Variants in SEL1L3 observed in about 807,000 individuals in gnomAD.
SEL1L3 encodes the protein protein sel-1 homolog 3.
Under a neutral mutation model 142.8 loss-of-function variants are expected in SEL1L3, and 76 were observed. The observed-to-expected ratio is 0.53, with a 90% CI of 0.44 to 0.64. The LOEUF (loss-of-function observed/expected upper bound fraction) is 0.64. Ranked by LOEUF, SEL1L3 falls within the 30% of genes least tolerant of loss-of-function variation. SEL1L3 has a pLI of 0.00. For synonymous variants in SEL1L3, 504 were observed against 519.6 expected, an observed-to-expected ratio of 0.97 and a Z score of 0.41; for missense variants, 1,262 against 1,381.7, an observed-to-expected ratio of 0.91 and a Z score of 1.37.
intron 20 of SEL1L3, chr4:25,759,417 A>G (rs911231924): frequency 2.9e-5 from 6 of 204,666 alleles, no homozygotes; most frequent in African/African-American, 1.2e-4. Flanking sequence ...TACCATGTCC[A>G]TTGCCTACAG....
chr4:25,739,826 G>A, the SEL1L3 span, among the ~76,000 whole-genome samples: 714 of 151,392 alleles, frequency 4.7e-3, 9 homozygotes, highest in East Asian at 0.038. Context: ...ACATATAAGC[G>A]TACATTCACA....
the SEL1L3 span, among the ~76,000 whole-genome samples, chr4:25,741,817 T>TTA: frequency 6.6e-6 from 1 of 150,536 alleles, no homozygotes; most frequent in African/African-American, 2.4e-5. Context: ...TTATATTATA[T>TTA]TATTATTATA....
the SEL1L3 span, among the ~76,000 whole-genome samples, chr4:25,741,366 G>T: frequency 6.6e-6 from 1 of 152,102 alleles, no homozygotes; most frequent in African/African-American, 2.4e-5. Context: ...CTCCCAAAGT[G>T]CTGGGATTAC....
At chr4:25,722,597 A>G in the SEL1L3 span, among the ~76,000 whole-genome samples, 5 of 149,656 alleles carry the variant, frequency 3.3e-5, no homozygotes, top group Non-Finnish European at 7.4e-5. Flanking sequence ...CATAAGAGCC[A>G]CAAGATACAT....
chr4:25,749,546 C>T (rs933848826), intron 23 of SEL1L3, among the ~76,000 whole-genome samples: 1 of 152,148 alleles, frequency 6.6e-6, no homozygotes, highest in Non-Finnish European at 1.5e-5. Context: ...CTGCACAAGC[C>T]CCCCACAGCC....
intron 1 of SEL1L3, among the ~76,000 whole-genome samples, chr4:25,858,432 C>T (rs544641297): frequency 6.6e-6 from 1 of 152,332 alleles, no homozygotes; most frequent in South Asian, 2.1e-4. Context: ...TTAATGAATA[C>T]TCTTAGATGG....
intron 2 of SEL1L3, among the ~76,000 whole-genome samples, chr4:25,839,075 G>A (rs544693211): frequency 1.3e-5 from 2 of 152,312 alleles, no homozygotes; most frequent in South Asian, 4.1e-4. Context: ...GGAAAGAAGC[G>A]AAGATTTCTC....
intron 21 of SEL1L3, among the ~76,000 whole-genome samples, chr4:25,758,468 C>T (rs749577559): frequency 1.8e-4 from 28 of 152,168 alleles, no homozygotes; most frequent in Non-Finnish European, 3.8e-4. Flanking sequence ...AAGGCCCTGT[C>T]TCAAAATAAA....
the SEL1L3 span, among the ~76,000 whole-genome samples, chr4:25,739,243 AC>A: frequency 6.6e-6 from 1 of 151,954 alleles, no homozygotes; most frequent in African/African-American, 2.4e-5. Flanking sequence ...CAACAAAAAA[AC>A]AATGTCTGGA....
chr4:25,722,822 A>G, the SEL1L3 span, among the ~76,000 whole-genome samples: 1 of 152,118 alleles, frequency 6.6e-6, no homozygotes, highest in African/African-American at 2.4e-5. Context: ...GGTTCAAGCT[A>G]TTCCACAGTC....
rs57134788 is a variant in SEL1L3, at chr4:25,771,199, C to A, written c.2670-3369G>T. 8.1e-4 allele frequency among the ~76,000 whole-genome samples: 124 copies of A among 152,348 alleles called. 1 individual carries two copies. Among genetic ancestry groups the A allele is most frequent in the African/African-American group, 2.7e-3 (113 of 41,578 alleles). ...TAATTGCAGGAAACCCAAAGACAAGCTGCAAAACTATTGTCCTTCCTTGAA... is the reference window on the plus strand; with the variant it reads ...TAATTGCAGGAAACCCAAAGACAAGATGCAAAACTATTGTCCTTCCTTGAA... On this transcript the variant is annotated intron_variant, in intron 17 of 23. Transcript: ENST00000399878.
intron 2 of SEL1L3, among the ~76,000 whole-genome samples, chr4:25,840,114 C>T (rs2109298029): frequency 6.6e-6 from 1 of 152,318 alleles, no homozygotes; most frequent in African/African-American, 2.4e-5. Context: ...CCTCGGTTTT[C>T]CTCTTTGTTA....
chr4:25,758,611 A>G (rs540757516), intron 21 of SEL1L3, among the ~76,000 whole-genome samples: 1 of 151,616 alleles, frequency 6.6e-6, no homozygotes, highest in East Asian at 1.9e-4. Context: ...AGAGAAATAC[A>G]CTCGGGTCTG....
chr4:25,770,280 G>T (rs1367479334), intron 17 of SEL1L3: 2 of 152,190 alleles, frequency 1.3e-5, no homozygotes, highest in Non-Finnish European at 2.9e-5. Context: ...CTGGTGGTGG[G>T]GAAGGAAGGG....
intron 17 of SEL1L3, among the ~76,000 whole-genome samples, chr4:25,774,836 C>G (rs1295999222): frequency 6.6e-6 from 1 of 151,970 alleles, no homozygotes; most frequent in Non-Finnish European, 1.5e-5. Flanking sequence ...CAGAGTGAGA[C>G]TTCATCTCAA....
rs560852643 is a variant in SEL1L3 at position 25,796,730 on chromosome 4, G to A, written c.1956+5553C>T. 4.0e-5 allele frequency among the ~76,000 whole-genome samples: 6 copies of A among 150,606 alleles called. No individual in the cohort carries two copies. The East Asian group carries it at 9.9e-4, about 25-fold the overall frequency. On this transcript the variant is annotated intron_variant, in intron 11 of 23. Coordinates refer to ENST00000399878, the MANE Select transcript of SEL1L3 (RefSeq NM_015187.5). Reference sequence around the variant, plus strand: ...CGGGAGGTGGAGGTTGCAGTGAGCCGAGATCACACCACTGCACTCCAGAGG... The same window carrying A: ...CGGGAGGTGGAGGTTGCAGTGAGCCAAGATCACACCACTGCACTCCAGAGG...
At chr4:25,725,065 G>C in the SEL1L3 span, among the ~76,000 whole-genome samples, 1 of 152,092 alleles carries the variant, frequency 6.6e-6, no homozygotes, top group East Asian at 1.9e-4. Context: ...CTGGGAGGTG[G>C]AGTATTCTCC....
intron 6 of SEL1L3, among the ~76,000 whole-genome samples, chr4:25,825,001 C>T (rs1305463626): frequency 6.6e-6 from 1 of 152,050 alleles, no homozygotes; most frequent in Non-Finnish European, 1.5e-5. Context: ...GAAAAAAGCC[C>T]ACAGCAAACG....
chr4:25,750,008 C>T (rs1015300988), intron 23 of SEL1L3, among the ~76,000 whole-genome samples: 4 of 151,862 alleles, frequency 2.6e-5, no homozygotes, highest in South Asian at 4.2e-4. Flanking sequence ...CCCGGACGGC[C>T]GGATAACCTG....
Sources: gnomAD v4.1 joint callset for allele counts (sites outside exome capture counted in the v4.1 genomes callset) on GRCh38, gnomAD v4.1.1 for gene constraint, MANE v1.5 for transcripts, NCBI Gene and HGNC (gene_info 2026-07-23, HGNC 2026-07-21) for gene names.